SORCS2: variants seen among roughly 807,000 people sequenced by gnomAD.
SORCS2 encodes VPS10 domain-containing receptor SorCS2.
SORCS2 carries 100 observed loss-of-function variants against 141.6 expected under a neutral mutation model. That is an observed-to-expected ratio of 0.71 (90% CI 0.60 to 0.83). The LOEUF (loss-of-function observed/expected upper bound fraction) is 0.83. Among genes scored for constraint, SORCS2 ranks in the 40% least tolerant of loss-of-function variants. SORCS2 has a pLI of 0.00. For synonymous variants in SORCS2, 789 were observed against 676.9 expected (o/e 1.17, Z -2.57); for missense variants, 1,646 against 1,560.2 (o/e 1.05, Z -0.93).
At chr4:7,606,270 C>T (rs377350333) in intron 3 of SORCS2, among the ~76,000 whole-genome samples, 1 of 152,022 alleles carries the variant, frequency 6.6e-6, no homozygotes, top group Non-Finnish European at 1.5e-5. Flanking sequence ...TACAACCTGC[C>T]GGAGAATAGA....
intron 3 of SORCS2, among the ~76,000 whole-genome samples, chr4:7,581,124 T>C (rs1020467636): frequency 1.3e-5 from 2 of 150,998 alleles, no homozygotes; most frequent in African/African-American, 4.9e-5. Flanking sequence ...ATATGTCTAA[T>C]TCAAAAACCT....
intron 5 of SORCS2, among the ~76,000 whole-genome samples, chr4:7,660,282 T>C (rs868519850): frequency 2.1e-4 from 32 of 152,192 alleles, no homozygotes; most frequent in African/African-American, 6.0e-4. Flanking sequence ...TGTGGGTGGA[T>C]TGAGGGTGGA....
intron 8 of SORCS2, among the ~76,000 whole-genome samples, chr4:7,667,522 C>T (rs192010732): frequency 8.5e-5 from 13 of 152,308 alleles, no homozygotes; most frequent in Admixed American, 8.5e-4. Context: ...CTAAAGGCCC[C>T]CCAGGCGGGC....
intron 10 of SORCS2, among the ~76,000 whole-genome samples, chr4:7,685,537 G>A (rs1286827080): frequency 6.6e-6 from 1 of 152,182 alleles, no homozygotes; most frequent in Non-Finnish European, 1.5e-5. Flanking sequence ...CAGGCATGGT[G>A]GCACATGCCT....
intron 1 of SORCS2, among the ~76,000 whole-genome samples, chr4:7,343,762 C>T (rs186072049): frequency 6.6e-6 from 1 of 152,318 alleles, no homozygotes; most frequent in East Asian, 1.9e-4. Context: ...TGGGTTGGTA[C>T]ACGGCGTAGA....
chr4:7,327,803 GC>G (rs528313573), intron 1 of SORCS2, among the ~76,000 whole-genome samples: 154 of 150,502 alleles, frequency 1.0e-3, no homozygotes, highest in Admixed American at 1.6e-3. Flanking sequence ...TTGTGTGACC[GC>G]CCCCCCCAAC....
chr4:7,263,560 T>A (rs780326093), intron 1 of SORCS2, among the ~76,000 whole-genome samples: 7 of 152,226 alleles, frequency 4.6e-5, no homozygotes, highest in Non-Finnish European at 8.8e-5. Context: ...TCCCACGGAC[T>A]CCTTCCTGGC....
intron 3 of SORCS2, among the ~76,000 whole-genome samples, chr4:7,550,233 A>G (rs1364634172): frequency 6.6e-6 from 1 of 151,802 alleles, no homozygotes; most frequent in African/African-American, 2.4e-5. Flanking sequence ...AACCGCCCTG[A>G]GACTGTGCTA....
intron 19 of SORCS2, among the ~76,000 whole-genome samples, chr4:7,724,573 A>ATAATGGTGACATTGGTGG (rs1726955655): frequency 2.5e-5 from 1 of 40,384 alleles, no homozygotes; most frequent in African/African-American, 8.2e-5. Context: ...GGTGGTGGTG[A>ATAATGGTGACATTGGTGG]TGGTGATGGT....
intron 2 of SORCS2, among the ~76,000 whole-genome samples, chr4:7,412,532 G>A (rs2109158417): frequency 6.6e-6 from 1 of 152,222 alleles, no homozygotes; most frequent in Admixed American, 6.5e-5. Context: ...TTAAGAACTG[G>A]GGGACAGATG....
At chr4:7,217,886 G>A (rs976299658) in intron 1 of SORCS2, among the ~76,000 whole-genome samples, 36 of 152,356 alleles carry the variant, frequency 2.4e-4, no homozygotes, top group African/African-American at 6.7e-4. Context: ...TTTTAGGGTG[G>A]CGAGGGTCGA....
chr4:7,659,573 C>T (rs1722021830), intron 5 of SORCS2, among the ~76,000 whole-genome samples: 1 of 152,356 alleles, frequency 6.6e-6, no homozygotes, highest in South Asian at 2.1e-4. Flanking sequence ...AGCCTTTGCC[C>T]TGTCATTGCT....
At chr4:7,470,453 G>A (rs949944261) in intron 2 of SORCS2, among the ~76,000 whole-genome samples, 3 of 152,150 alleles carry the variant, frequency 2.0e-5, no homozygotes, top group Admixed American at 6.5e-5. Context: ...ATTCATCCAG[G>A]TGGGATAGGG....
rs1056418635 is a variant in SORCS2, at chr4:7,723,987, G to A, written c.2611+104G>A. ...GCCCCCGGGATTGCTCTAGGCCCCTGGTACTCAGGACGGTGAACCCGAGGG... is the reference window on the plus strand; with the variant it reads ...GCCCCCGGGATTGCTCTAGGCCCCTAGTACTCAGGACGGTGAACCCGAGGG... On this transcript the variant is annotated intron_variant, in intron 19 of 26. Coordinates refer to ENST00000507866, the MANE Select transcript of SORCS2 (RefSeq NM_020777.3). The A allele has an allele frequency of 8.2e-6, 11 of 1,345,246 alleles. No homozygotes were observed. In the East Asian group the frequency reaches 1.3e-4, roughly 15 times the overall value. The allele number at this position is 1,345,246 out of a possible 1,614,324, so 83.3% of individuals were successfully genotyped here. A position where few individuals can be genotyped will look rare whatever the true frequency, so the allele number is the denominator to read the frequency against.
intron 1 of SORCS2, among the ~76,000 whole-genome samples, chr4:7,252,052 C>T (rs1713539979): frequency 6.6e-6 from 1 of 152,178 alleles, no homozygotes; most frequent in South Asian, 2.1e-4. Context: ...GGAAAAGGGT[C>T]TGGGAAGGCC....
intron 1 of SORCS2, among the ~76,000 whole-genome samples, chr4:7,215,540 G>A (rs11730443): frequency 0.19 from 29,296 of 152,248 alleles, 3,050 homozygotes; most frequent in African/African-American, 0.27. Flanking sequence ...CTGGCAGGCA[G>A]CTCCACCTGC....
At chr4:7,398,185 G>C (rs981353769) in intron 2 of SORCS2, among the ~76,000 whole-genome samples, 2 of 152,238 alleles carry the variant, frequency 1.3e-5, no homozygotes, top group African/African-American at 4.8e-5. Flanking sequence ...GACTGACTGT[G>C]TCTGGCCCCC....
chr4:7,519,559 C>T (rs1185102986), intron 2 of SORCS2, among the ~76,000 whole-genome samples: 3 of 152,210 alleles, frequency 2.0e-5, no homozygotes, highest in East Asian at 3.9e-4. Flanking sequence ...GTGGCGGCCA[C>T]GGTGAAGCTG....
chr4:7,333,053 A>T (rs1719754268), intron 1 of SORCS2, among the ~76,000 whole-genome samples: 1 of 152,174 alleles, frequency 6.6e-6, no homozygotes, highest in Non-Finnish European at 1.5e-5. Flanking sequence ...TTATTCACAG[A>T]GTGTGTAGCT....
Sources: allele counts gnomAD v4.1 joint callset (sites outside exome capture counted in the v4.1 genomes callset), GRCh38; gene constraint gnomAD v4.1.1; transcripts MANE v1.5; gene names NCBI Gene and HGNC (gene_info 2026-07-23, HGNC 2026-07-21).